The following NEBL variants were observed in gnomAD, a reference collection of about 807,000 sequenced individuals.
NEBL encodes nebulette.
Under a neutral mutation model 140.2 loss-of-function variants are expected in NEBL, and 122 were observed. The observed-to-expected ratio is 0.87, with a 90% confidence interval of 0.75 to 1.01. The LOEUF (loss-of-function observed/expected upper bound fraction) is 1.01, where lower values mean the gene tolerates loss of function less well. NEBL is among the 50% of genes least tolerant of loss of function. The pLI, the probability that NEBL is intolerant of heterozygous loss-of-function variation, is 0.00. For synonymous variants in NEBL, 436 were observed against 398.9 expected (o/e 1.09, Z -1.11); for missense variants, 1,365 against 1,231.3 (o/e 1.11, Z -1.62).
upstream of NEBL, among the ~76,000 whole-genome samples, chr10:21,175,625 G>A (rs1841281083): frequency 6.6e-6 from 1 of 152,222 alleles, no homozygotes; most frequent in Non-Finnish European, 1.5e-5. Context: ...TCCAGAAGAT[G>A]TAACTTCTTT....
In NEBL at chr10:20,976,922, T is replaced by TAA. The variant is rs373538681; in HGVS notation, c.250-15145_250-15144dup. Among the ~76,000 whole-genome samples the TAA allele has an allele frequency of 0.018, 2,328 of 129,740 alleles. 314 individuals are homozygous for TAA. In the East Asian group the frequency reaches 0.35, roughly 20 times the overall value. 85.1% of individuals were successfully genotyped at this position (129,740 alleles called of 152,430 possible). On this transcript the variant is annotated intron_variant, in intron 3 of 6. Coordinates refer to the NEBL transcript ENST00000417816. ...TGCATATGTATTCCTGAATCTACAT[T>TAA]AAAAAAAAAAAAAAAAAGTGCTTCA...
rs548922223 is a variant in NEBL at position 20,859,720 on chromosome 10, G to A, written c.791C>T (p.Ala264Val). The A allele has an allele frequency of 1.5e-5, 23 of 1,577,300 alleles. No homozygotes were observed. Among genetic ancestry groups the A allele is most frequent in the East Asian group, 4.5e-5 (2 of 44,466 alleles). The change falls in exon 8 of 28, where the codon GCG (alanine) becomes GTG (valine). Residue 264 changes from alanine to valine, a missense_variant. Around this residue, in one of 2 missense-constraint regions of NEBL, gnomAD observed 1,323 missense variants for 1,154.8 expected, o/e 1.15. Coordinates refer to ENST00000377122, the MANE Select transcript of NEBL (RefSeq NM_006393.3). Reference sequence around the variant, plus strand: ...CTATGAATTACAACTTACATTGCTCGCCAGTGTAGCAGCAAGCTGATTCTG... The same window carrying A: ...CTATGAATTACAACTTACATTGCTCACCAGTGTAGCAGCAAGCTGATTCTG... ...FRQNQLAATL[A>V]SNVKYKKDIQ...
At chr10:21,168,911 T>G (rs1179174649) in intron 2 of NEBL, among the ~76,000 whole-genome samples, 6 of 150,278 alleles carry the variant, frequency 4.0e-5, no homozygotes, top group Admixed American at 3.3e-4. Flanking sequence ...TAGCCGGGCT[T>G]GGTGGCGGGC....
rs577363770 is a variant in NEBL at position 20,985,726 on chromosome 10, T to C, written c.250-23947A>G. Among the ~76,000 whole-genome samples, 5 of 152,264 alleles carry C rather than the reference T, an allele frequency of 3.3e-5. No individual in the cohort carries two copies. The East Asian group carries it at 9.6e-4, about 29-fold the overall frequency. ...ACAATCTACTAGTATGCAGCTATAC[T>C]GAACATACAATATTCAGGATGGAGA... On this transcript the variant is annotated intron_variant, in intron 3 of 6. Transcript: ENST00000417816.
At chr10:21,191,305 T>C (rs565562862) in intron 3 of NEBL, among the ~76,000 whole-genome samples, 90 of 152,334 alleles carry the variant, frequency 5.9e-4, no homozygotes, top group African/African-American at 2.0e-3. Flanking sequence ...ACTAGTATTA[T>C]GATAACCCCA....
Position 21,173,907 on chromosome 10 carries a change from C to T in NEBL, c.-74G>A, listed in dbSNP as rs1001166858. 1.3e-6 allele frequency: 2 copies of T among 1,562,504 alleles called. No homozygotes were observed. The highest frequency in any genetic ancestry group is 8.6e-7 in the Non-Finnish European group (1 of 1,161,062). ...AGCCGCTGTGACATCCCCCGGCGAG[C>T]CCCGCACCGCCTCCTGGCAGGCGGG... On this transcript the variant is annotated 5_prime_UTR_variant, in exon 1 of 7. Transcript: ENST00000417816. The surrounding 1 kb of genome is among the most constrained non-coding windows in gnomAD (Gnocchi z 5.7).
intron 3 of NEBL, among the ~76,000 whole-genome samples, chr10:20,888,811 T>C (rs2131364980): frequency 6.6e-6 from 1 of 152,340 alleles, no homozygotes; most frequent in South Asian, 2.1e-4. Flanking sequence ...ATTAACTCCT[T>C]CAGGAAACAT....
In NEBL at chr10:21,183,912, T is replaced by C. The variant is rs1202189872; in HGVS notation, n.349-11435A>G. Among the ~76,000 whole-genome samples the C allele has an allele frequency of 2.6e-5, 4 of 152,298 alleles. No individual in the cohort carries two copies. In the East Asian group the frequency reaches 7.7e-4, roughly 29 times the overall value. Reference sequence around the variant, plus strand: ...TAAGTCTCACGAGATCTGATGGTTTTATTAAGGGGAGTTTCTTTGCACAAG... The same window carrying C: ...TAAGTCTCACGAGATCTGATGGTTTCATTAAGGGGAGTTTCTTTGCACAAG... On this transcript the variant is annotated intron_variant and non_coding_transcript_variant, in intron 3 of 8. Coordinates refer to the NEBL transcript ENST00000675702.
At chr10:20,851,945 G>T (rs1842579750) in intron 10 of NEBL, among the ~76,000 whole-genome samples, 1 of 151,726 alleles carries the variant, frequency 6.6e-6, no homozygotes, top group African/African-American at 2.4e-5. Flanking sequence ...ACATTTAAAA[G>T]AGTGATATAA....
chr10:20,983,084 GA>G (rs1179255725), intron 3 of NEBL, among the ~76,000 whole-genome samples: 1 of 152,202 alleles, frequency 6.6e-6, no homozygotes, highest in Non-Finnish European at 1.5e-5. Flanking sequence ...GCAACCTGGT[GA>G]AAAATCCTGA....
At chr10:20,991,179 T>C (rs1837440529) in intron 3 of NEBL, among the ~76,000 whole-genome samples, 1 of 152,204 alleles carries the variant, frequency 6.6e-6, no homozygotes, top group Non-Finnish European at 1.5e-5. Flanking sequence ...TCATTCCTAT[T>C]TCCTAAATGG....
chr10:21,089,184 G>A (rs529037064), intron 2 of NEBL, among the ~76,000 whole-genome samples: 2 of 152,312 alleles, frequency 1.3e-5, no homozygotes, highest in Admixed American at 1.3e-4. Context: ...AGAGGATGCT[G>A]ACATTCAGGA....
At chr10:20,955,709 A>G (rs926442233) in intron 4 of NEBL, among the ~76,000 whole-genome samples, 10 of 152,202 alleles carry the variant, frequency 6.6e-5, no homozygotes, top group Non-Finnish European at 1.0e-4. Context: ...GAGATATTTT[A>G]GAACACCTCA....
chr10:21,033,850 A>T (rs940935945), intron 2 of NEBL, among the ~76,000 whole-genome samples: 2 of 152,052 alleles, frequency 1.3e-5, no homozygotes, highest in African/African-American at 4.8e-5. Context: ...ATAAAACTAC[A>T]TCTTCAAATA....
chr10:20,921,826 C>T (rs936772030), intron 4 of NEBL, among the ~76,000 whole-genome samples: 2 of 152,128 alleles, frequency 1.3e-5, no homozygotes, highest in Admixed American at 6.6e-5. Context: ...CCCCCACACA[C>T]ATAGCTATAC....
intron 2 of NEBL, among the ~76,000 whole-genome samples, chr10:21,098,447 A>C (rs313788): frequency 0.91 from 138,241 of 152,234 alleles, 63,078 homozygotes; most frequent in African/African-American, 0.97. Flanking sequence ...AGGAAACCCA[A>C]TGGTATTTAA....
chr10:21,292,197 G>A (rs553401995), intron 1 of NEBL, among the ~76,000 whole-genome samples: 4 of 152,088 alleles, frequency 2.6e-5, no homozygotes, highest in Non-Finnish European at 4.4e-5. Context: ...GCTAATTTAA[G>A]GCTCTGCTTT....
At chr10:20,817,137 T>TG (rs1335185397) in intron 21 of NEBL, among the ~76,000 whole-genome samples, 1 of 152,080 alleles carries the variant, frequency 6.6e-6, no homozygotes, top group African/African-American at 2.4e-5. Flanking sequence ...CCCAGCACTT[T>TG]GGGAGGCCAA....
At chr10:21,100,039 C>T (rs1247040241) in intron 2 of NEBL, among the ~76,000 whole-genome samples, 2 of 152,150 alleles carry the variant, frequency 1.3e-5, no homozygotes, top group Non-Finnish European at 2.9e-5. Flanking sequence ...GCCCAATAAC[C>T]TGGCCTAAAA....
Sources: allele counts gnomAD v4.1 joint callset (sites outside exome capture counted in the v4.1 genomes callset), GRCh38; gene constraint gnomAD v4.1.1; regional missense constraint gnomAD v4.1.1; non-coding constraint Gnocchi (gnomAD v3.1); transcripts MANE v1.5; gene names NCBI Gene and HGNC (gene_info 2026-07-23, HGNC 2026-07-21).